The following CSMD1 variants were observed in gnomAD, a reference collection of about 807,000 sequenced individuals.
CSMD1 encodes the protein CUB and sushi domain-containing protein 1.
A neutral mutation model predicts 417.5 loss-of-function variants in CSMD1; 213 were observed. That is an observed-to-expected ratio of 0.51 (90% CI 0.46 to 0.57). The LOEUF is 0.57. Ranked by LOEUF, CSMD1 falls within the 20% of genes least tolerant of loss-of-function variation. CSMD1 has a pLI of 0.00. For missense variants in CSMD1, 6,923 were observed against 4,529.7 expected, an observed-to-expected ratio of 1.53 and a Z score of -15.17; for synonymous variants, 2,862 against 1,736.8, an observed-to-expected ratio of 1.65 and a Z score of -16.11.
intron 3 of CSMD1, among the ~76,000 whole-genome samples, chr8:4,277,107 T>G (rs1796530759): frequency 6.6e-6 from 1 of 152,064 alleles, no homozygotes; most frequent in Admixed American, 6.5e-5. Context: ...TTTCTGCCAA[T>G]TAAAAATAGT....
intron 49 of CSMD1, among the ~76,000 whole-genome samples, chr8:3,068,956 C>G (rs1457403633): frequency 1.3e-5 from 2 of 151,994 alleles, no homozygotes; most frequent in Non-Finnish European, 2.9e-5. Context: ...TCATGTCTTC[C>G]CAACAGAAGC....
chr8:3,829,231 T>C (rs917043235), intron 5 of CSMD1, among the ~76,000 whole-genome samples: 1 of 152,158 alleles, frequency 6.6e-6, no homozygotes, highest in African/African-American at 2.4e-5. Flanking sequence ...TCTTATGCCT[T>C]TGCATCCTCA....
chr8:4,594,414 G>T (rs148197951), intron 2 of CSMD1, among the ~76,000 whole-genome samples: 3 of 151,794 alleles, frequency 2.0e-5, no homozygotes, highest in Admixed American at 6.6e-5. Flanking sequence ...TGGCCAGGCT[G>T]GTCTCAAACT....
At chr8:4,002,383 T>A (rs192338458) in intron 4 of CSMD1, among the ~76,000 whole-genome samples, 6 of 152,182 alleles carry the variant, frequency 3.9e-5, no homozygotes, top group Non-Finnish European at 8.8e-5. Flanking sequence ...ATTTTAAACA[T>A]AATAGCATTT....
At chr8:3,040,036 A>T (rs1810984879) in intron 50 of CSMD1, among the ~76,000 whole-genome samples, 1 of 152,192 alleles carries the variant, frequency 6.6e-6, no homozygotes, top group Admixed American at 6.5e-5. Flanking sequence ...TCCTTAGACC[A>T]CTGAGGGGTG....
At chr8:4,629,487 G>C (rs909421575) in intron 2 of CSMD1, among the ~76,000 whole-genome samples, 2 of 152,084 alleles carry the variant, frequency 1.3e-5, no homozygotes, top group Non-Finnish European at 1.5e-5. Context: ...TTTTCTTGTA[G>C]CTCTAGAAGT....
At chr8:3,251,438 C>G (rs1443869800) in intron 26 of CSMD1, among the ~76,000 whole-genome samples, 11 of 152,140 alleles carry the variant, frequency 7.2e-5, no homozygotes, top group African/African-American at 2.7e-4. Flanking sequence ...TGTTTTGGTA[C>G]CAGTATCATG....
intron 1 of CSMD1, among the ~76,000 whole-genome samples, chr8:4,685,963 CAAAT>C (rs1225605976): frequency 1.3e-5 from 2 of 152,148 alleles, no homozygotes; most frequent in African/African-American, 4.8e-5. Context: ...GTTATAAACA[CAAAT>C]AAAAACGGCA....
intron 6 of CSMD1, among the ~76,000 whole-genome samples, chr8:3,718,868 G>A (rs11996752): frequency 0.32 from 48,524 of 151,896 alleles, 8,057 homozygotes; most frequent in African/African-American, 0.4. Flanking sequence ...TTTAAAGATT[G>A]TTTTACTTAG....
At chr8:3,794,333 C>T (rs191418799) in intron 5 of CSMD1, among the ~76,000 whole-genome samples, 1 of 152,188 alleles carries the variant, frequency 6.6e-6, no homozygotes, top group East Asian at 1.9e-4. Context: ...GATTTTTAAG[C>T]TGAGTAAACA....
intron 2 of CSMD1, among the ~76,000 whole-genome samples, chr8:4,593,725 T>A (rs1351398851): frequency 6.6e-6 from 1 of 152,184 alleles, no homozygotes; most frequent in Non-Finnish European, 1.5e-5. Context: ...TCTCTTAATT[T>A]TTCCAACAAT....
At chr8:3,447,070 C>T (rs1015253990) in intron 12 of CSMD1, among the ~76,000 whole-genome samples, 1 of 152,144 alleles carries the variant, frequency 6.6e-6, no homozygotes, top group Non-Finnish European at 1.5e-5. Context: ...CACAGCGTAA[C>T]ATCAGTTGTT....
intron 3 of CSMD1, among the ~76,000 whole-genome samples, chr8:4,076,339 G>A (rs1417065009): frequency 6.6e-6 from 1 of 152,170 alleles, no homozygotes; most frequent in African/African-American, 2.4e-5. Flanking sequence ...AGAACTGTGT[G>A]TCAATCAAAC....
At chr8:4,412,706 T>C (rs1154037) in intron 3 of CSMD1, among the ~76,000 whole-genome samples, 8,663 of 152,218 alleles carry the variant, frequency 0.057, 243 homozygotes, top group South Asian at 0.088. Flanking sequence ...GTAACCAACA[T>C]ATAAAGACAT....
intron 1 of CSMD1, among the ~76,000 whole-genome samples, chr8:4,674,830 A>G (rs1585431564): frequency 6.6e-6 from 1 of 151,590 alleles, no homozygotes; most frequent in Non-Finnish European, 1.5e-5. Flanking sequence ...CCCCAATGTG[A>G]TATCTGGAGG....
intron 1 of CSMD1, among the ~76,000 whole-genome samples, chr8:4,952,451 A>G (rs1486255341): frequency 6.6e-6 from 1 of 152,064 alleles, no homozygotes; most frequent in African/African-American, 2.4e-5. Flanking sequence ...CTGGATTTCA[A>G]TTACCTATGT....
intron 26 of CSMD1, among the ~76,000 whole-genome samples, chr8:3,270,468 G>A (rs992157941): frequency 2.6e-5 from 4 of 152,144 alleles, no homozygotes; most frequent in Non-Finnish European, 1.5e-5. Context: ...TAAAAACTAT[G>A]GTTACTTAAA....
intron 23 of CSMD1, among the ~76,000 whole-genome samples, chr8:3,316,365 T>C (rs1222996856): frequency 6.6e-6 from 1 of 152,066 alleles, no homozygotes; most frequent in Non-Finnish European, 1.5e-5. Flanking sequence ...TTTTGGGGCA[T>C]GGTGGGAAGA....
At chr8:3,390,908 C>T (rs1419436127) in intron 17 of CSMD1, among the ~76,000 whole-genome samples, 1 of 152,024 alleles carries the variant, frequency 6.6e-6, no homozygotes, top group Admixed American at 6.5e-5. Flanking sequence ...CGAGAGGTTT[C>T]AAAATAGAGG....
Sources: allele counts gnomAD v4.1 joint callset (sites outside exome capture counted in the v4.1 genomes callset), GRCh38; gene constraint gnomAD v4.1.1; transcripts MANE v1.5; gene names NCBI Gene and HGNC (gene_info 2026-07-23, HGNC 2026-07-21).